The following SLC35F3 variants were observed in gnomAD, a reference collection of about 807,000 sequenced individuals.
SLC35F3 encodes solute carrier family 35 member F3.
In SLC35F3, 25 loss-of-function variants were observed where a neutral mutation model predicts 49.9. The observed-to-expected ratio is 0.50, with a 90% CI of 0.37 to 0.70. The LOEUF (loss-of-function observed/expected upper bound fraction) is 0.70, where lower values mean the gene tolerates loss of function less well. Ranked by LOEUF, SLC35F3 falls within the 30% of genes least tolerant of loss-of-function variation. The pLI, the probability that SLC35F3 is intolerant of heterozygous loss-of-function variation, is 0.00. For synonymous variants in SLC35F3, 275 were observed against 265.4 expected (o/e 1.04, Z -0.35); for missense variants, 525 against 639.8 (o/e 0.82, Z 1.94).
chr1:233,929,239 T>C (rs1662205988), intron 2 of SLC35F3, among the ~76,000 whole-genome samples: 1 of 152,204 alleles, frequency 6.6e-6, no homozygotes, highest in Admixed American at 6.6e-5. Context: ...GCCAATTCCG[T>C]TGGTGTCATA....
chr1:233,942,212 C>T (rs1388193353), intron 2 of SLC35F3, among the ~76,000 whole-genome samples: 1 of 151,948 alleles, frequency 6.6e-6, no homozygotes, highest in African/African-American at 2.4e-5. Flanking sequence ...CCGCCCGCCT[C>T]AGCCTCCCAA....
chr1:234,011,930 T>C (rs34088476), intron 2 of SLC35F3, among the ~76,000 whole-genome samples: 53,994 of 151,874 alleles, frequency 0.36, 12,298 homozygotes, highest in African/African-American at 0.64. Context: ...CCCAGGGGAC[T>C]GGCACTTAGC....
chr1:233,978,506 G>T (rs1663127928), intron 2 of SLC35F3, among the ~76,000 whole-genome samples: 1 of 152,216 alleles, frequency 6.6e-6, no homozygotes, highest in African/African-American at 2.4e-5. Flanking sequence ...TAAAACAGAT[G>T]ATGACTATAA....
intron 2 of SLC35F3, among the ~76,000 whole-genome samples, chr1:234,092,352 T>C (rs1006817136): frequency 6.6e-6 from 1 of 152,164 alleles, no homozygotes; most frequent in Non-Finnish European, 1.5e-5. Flanking sequence ...TTCCATTCCC[T>C]CAGGAGTTCT....
chr1:233,990,551 G>A (rs901721409), intron 2 of SLC35F3, among the ~76,000 whole-genome samples: 4 of 152,286 alleles, frequency 2.6e-5, no homozygotes, highest in Admixed American at 6.5e-5. Flanking sequence ...ACAGCATGGT[G>A]ACTGTACTTA....
At chr1:234,100,244 G>C (rs774435325) in intron 2 of SLC35F3, among the ~76,000 whole-genome samples, 1 of 152,178 alleles carries the variant, frequency 6.6e-6, no homozygotes, top group Non-Finnish European at 1.5e-5. Context: ...GATTCTGAAT[G>C]AAACCTTTGT....
intron 2 of SLC35F3, among the ~76,000 whole-genome samples, chr1:234,042,623 A>G (rs946122076): frequency 7.2e-5 from 11 of 152,250 alleles, no homozygotes; most frequent in African/African-American, 2.7e-4. Flanking sequence ...TGTGTAAGCA[A>G]TACAACCACA....
chr1:233,980,928 T>A lies in SLC35F3; in HGVS notation c.283+75170T>A, dbSNP rs556160644. ...TGACAAATCTACTAGGTAATATTAT[T>A]TCCCTCATTTTGAAAGTGAAGAAAC... On this transcript the variant is annotated intron_variant, in intron 2 of 7. Coordinates refer to ENST00000366618, the MANE Select transcript of SLC35F3 (RefSeq NM_173508.4). Among the ~76,000 whole-genome samples the A allele has an allele frequency of 2.0e-5, 3 of 152,322 alleles. No individual in the cohort carries two copies. In the East Asian group the frequency reaches 5.8e-4, roughly 29 times the overall value.
intron 2 of SLC35F3, among the ~76,000 whole-genome samples, chr1:234,120,142 A>G (rs1665549813): frequency 2.6e-5 from 4 of 152,208 alleles, no homozygotes; most frequent in Admixed American, 2.6e-4. Flanking sequence ...CCAGAATGAC[A>G]TTAGGTGACC....
rs148564371 is a variant in SLC35F3, at chr1:233,915,492, C to T, written c.283+9734C>T. Reference sequence around the variant, plus strand: ...GTCCAGGATCTCAAGGCTGCAGTGACGTATGTATGATTGCACCACTGCATT... The same window carrying T: ...GTCCAGGATCTCAAGGCTGCAGTGATGTATGTATGATTGCACCACTGCATT... On this transcript the variant is annotated intron_variant, in intron 2 of 7. Coordinates refer to ENST00000366618, the MANE Select transcript of SLC35F3 (RefSeq NM_173508.4). Among the ~76,000 whole-genome samples, 452 of 151,968 alleles carry T rather than the reference C, an allele frequency of 3.0e-3. 3 individuals are homozygous for T. Among genetic ancestry groups the T allele is most frequent in the South Asian group, 8.9e-3 (43 of 4,810 alleles).
At position 234,316,717 on chromosome 1, in the gene SLC35F3, C is replaced by T; in HGVS notation, c.944C>T (p.Ala315Val). The T allele has an allele frequency of 6.2e-7, 1 of 1,609,506 alleles. No homozygotes were observed. Among genetic ancestry groups the T allele is most frequent in the South Asian group, 1.1e-5 (1 of 90,922 alleles). Residue 315 changes from alanine (A) to valine (V), a missense_variant, in exon 5 of 8, where the codon GCC (alanine) becomes GTC (valine). Physicochemically the swap from Ala to Val is moderately conservative, Grantham distance 64 (BLOSUM62 0). This residue lies in a region of SLC35F3 where 216 missense variants were observed against 298.1 expected (regional missense o/e 0.72). Transcript: ENST00000366618. ...GTGGTGGCCTCAGCATCGATGTCTG[C>T]CCTCTACAAGGTACGCCCGGGGAGT... Reference protein sequence around the residue: ...ALVVASASMSALYKVLFKLLL... With the variant: ...ALVVASASMSVLYKVLFKLLL...
Position 234,027,845 on chromosome 1 carries a change from G to A in SLC35F3, c.283+122087G>A, listed in dbSNP as rs527879314. ...ACTCTCAGAGCTTTCATTCTAAGGA[G>A]GGGAGATGGATGATAAAGGAATAAG... is the stretch of plus-strand genomic sequence containing the variant. On this transcript the variant is annotated intron_variant, in intron 2 of 7. Coordinates refer to ENST00000366618, the MANE Select transcript of SLC35F3 (RefSeq NM_173508.4). This position sits in a 1 kb window ranked among gnomAD's most constrained non-coding sequence, Gnocchi z 4.1. Among the ~76,000 whole-genome samples the A allele has an allele frequency of 3.9e-5, 6 of 152,268 alleles. No individual in the cohort carries two copies. Among genetic ancestry groups the A allele is most frequent in the African/African-American group, 1.4e-4 (6 of 41,544 alleles).
chr1:234,126,027 T>C (rs754492566), intron 2 of SLC35F3, among the ~76,000 whole-genome samples: 43 of 152,228 alleles, frequency 2.8e-4, no homozygotes, highest in Non-Finnish European at 3.8e-4. Context: ...GACATTCAAG[T>C]CCCTGGTGAA....
chr1:234,051,104 T>G (rs1395791749), intron 2 of SLC35F3, among the ~76,000 whole-genome samples: 1 of 152,202 alleles, frequency 6.6e-6, no homozygotes, highest in South Asian at 2.1e-4. Context: ...TGGCTTAGGA[T>G]TGTCTTGGCA....
chr1:233,989,277 A>G (rs964307754), intron 2 of SLC35F3, among the ~76,000 whole-genome samples: 1 of 152,216 alleles, frequency 6.6e-6, no homozygotes, highest in African/African-American at 2.4e-5. Context: ...AAATAATGCA[A>G]TATTTACTAA....
intron 2 of SLC35F3, among the ~76,000 whole-genome samples, chr1:233,924,590 G>A (rs1029640295): frequency 6.6e-6 from 1 of 152,110 alleles, no homozygotes; most frequent in Non-Finnish European, 1.5e-5. Context: ...CCAGCTGTTG[G>A]GTTCATTGAT....
At chr1:234,244,934 T>C (rs1301900101) in intron 3 of SLC35F3, among the ~76,000 whole-genome samples, 1 of 152,242 alleles carries the variant, frequency 6.6e-6, no homozygotes, top group Non-Finnish European at 1.5e-5. Context: ...GGGGTTTCCA[T>C]CACTTTGAGT....
At chr1:234,078,665 T>C (rs1335873450) in intron 2 of SLC35F3, among the ~76,000 whole-genome samples, 2 of 152,256 alleles carry the variant, frequency 1.3e-5, no homozygotes, top group African/African-American at 4.8e-5. Flanking sequence ...CTTGGGACTC[T>C]AAGCCCTTTT....
intron 2 of SLC35F3, among the ~76,000 whole-genome samples, chr1:234,122,814 C>T (rs1665595836): frequency 6.6e-6 from 1 of 152,146 alleles, no homozygotes; most frequent in Admixed American, 6.5e-5. Context: ...TTTTTTATGG[C>T]TGTATAGTAT....
Sources: gnomAD v4.1 joint callset for allele counts (sites outside exome capture counted in the v4.1 genomes callset) on GRCh38, gnomAD v4.1.1 for gene constraint, gnomAD v4.1.1 regional missense constraint, Gnocchi (gnomAD v3.1) non-coding constraint, MANE v1.5 for transcripts, NCBI Gene and HGNC (gene_info 2026-07-23, HGNC 2026-07-21) for gene names.